Variants in DSCAM observed in about 807,000 individuals in gnomAD.
The protein encoded by DSCAM is DS cell adhesion molecule.
In DSCAM, 47 loss-of-function variants were observed where a neutral mutation model predicts 217.7. The ratio of observed to expected loss-of-function variants is 0.22; its 90% CI spans 0.17 to 0.28. The LOEUF is 0.28. Ranked by LOEUF, DSCAM falls within the 10% of genes least tolerant of loss-of-function variation. The probability of loss-of-function intolerance (pLI) is 1.00; values close to 1 mark genes in which losing one functional copy is unlikely to be tolerated. For synonymous variants in DSCAM, 1,056 were observed against 1,015.3 expected (o/e 1.04, Z -0.76); for missense variants, 2,080 against 2,618.3 (o/e 0.79, Z 4.49).
intron 11 of DSCAM, among the ~76,000 whole-genome samples, chr21:40,207,811 C>G (rs988552625): frequency 6.1e-4 from 93 of 152,124 alleles, no homozygotes; most frequent in African/African-American, 2.1e-3. Context: ...AGGGTTGATT[C>G]CTCCTGAGGC....
intron 3 of DSCAM, among the ~76,000 whole-genome samples, chr21:40,643,457 C>T (rs1294438552): frequency 7.9e-5 from 12 of 152,180 alleles, no homozygotes; most frequent in Non-Finnish European, 1.8e-4. Flanking sequence ...CTTAACTGTG[C>T]ACTGAGAAGC....
At chr21:40,578,602 C>T (rs1601760529) in intron 3 of DSCAM, among the ~76,000 whole-genome samples, 1 of 152,158 alleles carries the variant, frequency 6.6e-6, no homozygotes, top group African/African-American at 2.4e-5. Context: ...AGCGTGGGAC[C>T]CCTTTTGCAC....
At chr21:40,725,187 T>C (rs775746186) in intron 1 of DSCAM, among the ~76,000 whole-genome samples, 1 of 152,220 alleles carries the variant, frequency 6.6e-6, no homozygotes. Context: ...TGGCATCTCA[T>C]GACTGCCAGC....
At chr21:40,331,886 C>T (rs923344028) in intron 8 of DSCAM, among the ~76,000 whole-genome samples, 2 of 152,054 alleles carry the variant, frequency 1.3e-5, no homozygotes, top group Non-Finnish European at 2.9e-5. Flanking sequence ...TTTTAACTAC[C>T]CTTCTCTATG....
At chr21:40,513,405 G>A (rs2076275750) in intron 3 of DSCAM, 3 of 152,176 alleles carry the variant, frequency 2.0e-5, no homozygotes, top group South Asian at 2.1e-4. Context: ...CATGAGGCTG[G>A]ATAATTTACA....
chr21:40,502,792 A>G (rs1222898573), intron 3 of DSCAM, among the ~76,000 whole-genome samples: 1 of 152,054 alleles, frequency 6.6e-6, no homozygotes, highest in African/African-American at 2.4e-5. Context: ...TTGCCATAGG[A>G]CATAACATAT....
intron 1 of DSCAM, among the ~76,000 whole-genome samples, chr21:40,796,330 C>T (rs941951442): frequency 2.0e-5 from 3 of 152,280 alleles, no homozygotes; most frequent in Non-Finnish European, 2.9e-5. Context: ...AATGGCATGT[C>T]CCAGAGAAGG....
intron 3 of DSCAM, among the ~76,000 whole-genome samples, chr21:40,603,940 T>G (rs1568932596): frequency 6.6e-6 from 1 of 150,632 alleles, no homozygotes; most frequent in Admixed American, 6.6e-5. Flanking sequence ...TTTTTTTTTT[T>G]TTTTTCTGAG....
chr21:40,608,453 C>G (rs561263227), intron 3 of DSCAM, among the ~76,000 whole-genome samples: 1 of 152,098 alleles, frequency 6.6e-6, no homozygotes, highest in Non-Finnish European at 1.5e-5. Flanking sequence ...ATTTCCTAAA[C>G]GGTGTTCTAA....
chr21:40,758,754 A>T (rs969247049), intron 1 of DSCAM, among the ~76,000 whole-genome samples: 1 of 152,024 alleles, frequency 6.6e-6, no homozygotes, highest in Non-Finnish European at 1.5e-5. Context: ...GGCTCCTAAA[A>T]GGGCCTCTAG....
chr21:40,650,686 C>T lies in DSCAM; in HGVS notation c.508+42124G>A, dbSNP rs556728869. Among the ~76,000 whole-genome samples, 442 of 152,260 alleles carry T rather than the reference C, an allele frequency of 2.9e-3. 1 individual carries two copies. Among genetic ancestry groups the T allele is most frequent in the African/African-American group, 9.6e-3 (398 of 41,556 alleles). On this transcript the variant is annotated intron_variant, in intron 3 of 32. Coordinates refer to ENST00000400454, the MANE Select transcript of DSCAM (RefSeq NM_001389.5). ...ATCCCAGCACTTTGGGAGGCCAAGG[C>T]GGGCGGATCATGAGGTCAGTAGTTC...
intron 3 of DSCAM, among the ~76,000 whole-genome samples, chr21:40,560,080 A>G (rs2146181988): frequency 6.6e-6 from 1 of 152,292 alleles, no homozygotes; most frequent in Non-Finnish European, 1.5e-5. Context: ...GGCTTGAGCC[A>G]CCATGCGTGG....
At position 40,708,530 on chromosome 21, in the gene DSCAM, G is replaced by A. The variant is rs541570716; in HGVS notation, c.285C>T (p.Ile95=). 6.3e-6 allele frequency: 10 copies of A among 1,579,338 alleles called. No homozygotes were observed. In the South Asian group the frequency reaches 1.2e-4, roughly 19 times the overall value. Residue 95 remains isoleucine, a synonymous_variant, in exon 2 of 33, where the codon ATC becomes ATT. Coordinates refer to ENST00000400454, the MANE Select transcript of DSCAM (RefSeq NM_001389.5). Reference sequence around the variant, plus strand: ...CTGTGCAATAATAAGTATTATCATGGATTAAGGTACTGAAGCTTGAAGGAG... The same window carrying A: ...CTGTGCAATAATAAGTATTATCATGAATTAAGGTACTGAAGCTTGAAGGAG... ...PFPPSSFSTL[I]HDNTYYCTAE...
intron 3 of DSCAM, among the ~76,000 whole-genome samples, chr21:40,517,603 C>T (rs541760314): frequency 4.7e-4 from 71 of 150,402 alleles, no homozygotes; most frequent in African/African-American, 1.7e-3. Context: ...TGTTTTCAGT[C>T]TTAATGTGCA....
At chr21:40,054,108 C>T (rs77328105) in intron 29 of DSCAM, among the ~76,000 whole-genome samples, 3,453 of 152,220 alleles carry the variant, frequency 0.023, 139 homozygotes, top group African/African-American at 0.08. Context: ...AGGAAATTTT[C>T]AGTTTTAATG....
intron 6 of DSCAM, among the ~76,000 whole-genome samples, chr21:40,344,473 A>G (rs1601570024): frequency 6.6e-6 from 1 of 152,110 alleles, no homozygotes; most frequent in South Asian, 2.1e-4. Flanking sequence ...ATTACTGAAA[A>G]TATCTTTATT....
chr21:40,172,111 A>T (rs1224244182), intron 15 of DSCAM, among the ~76,000 whole-genome samples: 1 of 152,204 alleles, frequency 6.6e-6, no homozygotes, highest in Admixed American at 6.5e-5. Flanking sequence ...TCTACTAAAA[A>T]TACACAAATT....
At chr21:40,385,573 C>G (rs894816096) in intron 3 of DSCAM, among the ~76,000 whole-genome samples, 2 of 152,152 alleles carry the variant, frequency 1.3e-5, no homozygotes. Context: ...ATATGTATTG[C>G]ATTGACAGAA....
At chr21:40,521,847 A>AG (rs1461214983) in intron 3 of DSCAM, among the ~76,000 whole-genome samples, 1 of 152,158 alleles carries the variant, frequency 6.6e-6, no homozygotes, top group Non-Finnish European at 1.5e-5. Flanking sequence ...GCTGTCATAG[A>AG]GGATTTTGTA....
Sources: gnomAD v4.1 joint callset for allele counts (sites outside exome capture counted in the v4.1 genomes callset) on GRCh38, gnomAD v4.1.1 for gene constraint, MANE v1.5 for transcripts, NCBI Gene and HGNC (gene_info 2026-07-23, HGNC 2026-07-21) for gene names.